The following SPMIP1 variants were observed in gnomAD, a reference collection of about 807,000 sequenced individuals.
SPMIP1 encodes the protein protein SPMIP1.
the SPMIP1 span, chr7:128,866,411 T>C: frequency 2.6e-5 from 40 of 1,516,870 alleles, no homozygotes; most frequent in East Asian, 6.1e-4. Flanking sequence ...CTGGCCACCA[T>C]GTCACGGCAG....
the SPMIP1 span, chr7:128,869,651 C>A: frequency 6.6e-6 from 1 of 152,148 alleles, no homozygotes; most frequent in Non-Finnish European, 1.5e-5. Context: ...ACGGTCCCGC[C>A]GGCGGCGCTG....
the SPMIP1 span, chr7:128,868,710 A>G: frequency 1.3e-6 from 2 of 1,535,842 alleles, no homozygotes; most frequent in African/African-American, 2.7e-5. Flanking sequence ...GATGTGCCGC[A>G]TTGAGTCATT....
chr7:128,869,259 C>A, the SPMIP1 span: 5,917 of 185,776 alleles, frequency 0.032, 338 homozygotes, highest in African/African-American at 0.12. Flanking sequence ...GTCCTCCTGG[C>A]GGTGCGGAGC....
chr7:128,869,528 C>A, the SPMIP1 span: 1 of 152,368 alleles, frequency 6.6e-6, no homozygotes, highest in Admixed American at 6.5e-5. Flanking sequence ...GATGTGGAGG[C>A]GTTCCAGGAC....
At chr7:128,871,478 T>C in the SPMIP1 span, 4 of 152,186 alleles carry the variant, frequency 2.6e-5, no homozygotes, top group Non-Finnish European at 5.9e-5. Context: ...AAATTCAAGA[T>C]GAAATTTTAG....
the SPMIP1 span, chr7:128,869,202 T>A: frequency 3.6e-6 from 1 of 275,106 alleles, no homozygotes; most frequent in Non-Finnish European, 6.8e-6. Context: ...CCTCTCCCGA[T>A]GCATTTGCTC....
the SPMIP1 span, chr7:128,869,066 G>T: frequency 2.5e-6 from 1 of 407,446 alleles, no homozygotes; most frequent in Non-Finnish European, 4.3e-6. Flanking sequence ...GTTCCAGGAA[G>T]TTCTGGGTGT....
the SPMIP1 span, chr7:128,866,745 C>T: frequency 3.9e-6 from 6 of 1,536,004 alleles, no homozygotes; most frequent in Non-Finnish European, 5.2e-6. Flanking sequence ...GGCGGTACCG[C>T]TACCTCAACA....
the SPMIP1 span, chr7:128,868,632 G>A: frequency 1.4e-6 from 2 of 1,421,368 alleles, no homozygotes; most frequent in Non-Finnish European, 1.9e-6. Flanking sequence ...CCTCCCTCAG[G>A]AACCCATGCT....
the SPMIP1 span, chr7:128,870,291 T>C: frequency 6.6e-6 from 1 of 151,520 alleles, no homozygotes; most frequent in African/African-American, 2.4e-5. Flanking sequence ...GCTTGTGAGA[T>C]ATTGCCTTCC....
At chr7:128,868,667 C>A in the SPMIP1 span, 4 of 1,529,138 alleles carry the variant, frequency 2.6e-6, no homozygotes, top group Non-Finnish European at 3.5e-6. Context: ...TTTTCCCAGG[C>A]CCCCCAGTGA....
At chr7:128,868,054 T>G in the SPMIP1 span, among the ~76,000 whole-genome samples, 1 of 152,194 alleles carries the variant, frequency 6.6e-6, no homozygotes, top group South Asian at 2.1e-4. Context: ...GGAGCTGAGC[T>G]GAGGCAGTGG....
At chr7:128,867,175 A>G in the SPMIP1 span, among the ~76,000 whole-genome samples, 1 of 152,218 alleles carries the variant, frequency 6.6e-6, no homozygotes, top group Non-Finnish European at 1.5e-5. Context: ...CCTGACCTGT[A>G]TGTAGGCAGT....
the SPMIP1 span, among the ~76,000 whole-genome samples, chr7:128,867,578 T>C: frequency 2.5e-4 from 38 of 152,226 alleles, no homozygotes; most frequent in African/African-American, 8.7e-4. Context: ...CTTTTTTTTT[T>C]TCTTTTTCTT....
the SPMIP1 span, chr7:128,868,820 G>T: frequency 7.3e-7 from 1 of 1,367,406 alleles, no homozygotes; most frequent in Admixed American, 2.2e-5. Context: ...AGAAATAACA[G>T]GCCTCCTGGT....
At chr7:128,869,204 C>T in the SPMIP1 span, 2 of 271,862 alleles carry the variant, frequency 7.4e-6, no homozygotes, top group Non-Finnish European at 6.8e-6. Context: ...TCTCCCGATG[C>T]ATTTGCTCCA....
chr7:128,869,777 A>G, the SPMIP1 span: 5 of 152,268 alleles, frequency 3.3e-5, no homozygotes, highest in South Asian at 1.0e-3. Flanking sequence ...CGCGGCCTTC[A>G]AGGCCTTGGG....
At chr7:128,869,329 C>A in the SPMIP1 span, 15,813 of 157,852 alleles carry the variant, frequency 0.1, 1,461 homozygotes, top group East Asian at 0.32. Context: ...CTGCCCCTCG[C>A]GCCCCGCCGA....
the SPMIP1 span, chr7:128,870,517 G>A: frequency 7.7e-6 from 1 of 129,478 alleles, no homozygotes; most frequent in Non-Finnish European, 1.5e-5. Context: ...TGATCCTGAG[G>A]GTCCTCCTCT....
Sources: allele counts gnomAD v4.1 joint callset (sites outside exome capture counted in the v4.1 genomes callset), GRCh38; gene constraint gnomAD v4.1.1; transcripts MANE v1.5; gene names NCBI Gene and HGNC (gene_info 2026-07-23, HGNC 2026-07-21).